INPP4B: variants seen among roughly 807,000 people sequenced by gnomAD.
The protein encoded by INPP4B is inositol polyphosphate-4-phosphatase type II B.
Under a neutral mutation model 122.5 loss-of-function variants are expected in INPP4B, and 55 were observed. The observed-to-expected ratio is 0.45, with a 90% CI of 0.36 to 0.56. The LOEUF (loss-of-function observed/expected upper bound fraction) is 0.56. INPP4B is among the 20% of genes least tolerant of loss of function. The pLI, the probability that INPP4B is intolerant of heterozygous loss-of-function variation, is 0.00. For synonymous variants in INPP4B, 403 were observed against 388.7 expected (o/e 1.04, Z -0.43); for missense variants, 1,000 against 1,097.7 (o/e 0.91, Z 1.26).
At chr4:142,527,947 GAATAA>G (rs1827140490) in intron 2 of INPP4B, among the ~76,000 whole-genome samples, 1 of 151,768 alleles carries the variant, frequency 6.6e-6, no homozygotes, top group African/African-American at 2.4e-5. Flanking sequence ...AATTGCCTTA[GAATAA>G]ATCAAGGCAA....
intron 2 of INPP4B, among the ~76,000 whole-genome samples, chr4:142,642,532 C>A (rs1750744692): frequency 6.6e-6 from 1 of 152,152 alleles, no homozygotes; most frequent in Non-Finnish European, 1.5e-5. Context: ...GGAATCCTTT[C>A]CCCATTGCTT....
intron 11 of INPP4B, among the ~76,000 whole-genome samples, chr4:142,252,211 C>T (rs1405374763): frequency 3.1e-5 from 4 of 130,074 alleles, no homozygotes; most frequent in African/African-American, 5.8e-5. Context: ...TTTTTTGAGA[C>T]GGAGTCTCGC....
chr4:142,456,609 A>G (rs1191523831), intron 3 of INPP4B, among the ~76,000 whole-genome samples: 1 of 152,090 alleles, frequency 6.6e-6, no homozygotes, highest in Non-Finnish European at 1.5e-5. Flanking sequence ...TATAAAATAT[A>G]AAGAACATAA....
chr4:142,076,460 T>C (rs555696012), intron 25 of INPP4B, among the ~76,000 whole-genome samples: 1 of 152,080 alleles, frequency 6.6e-6, no homozygotes, highest in Non-Finnish European at 1.5e-5. Flanking sequence ...TCAATTTTCA[T>C]GTTTTTATTA....
chr4:142,809,871 C>G (rs550039535), intron 1 of INPP4B, among the ~76,000 whole-genome samples: 1 of 151,976 alleles, frequency 6.6e-6, no homozygotes, highest in South Asian at 2.1e-4. Flanking sequence ...TGGCCTTGGT[C>G]TTAAGAATTT....
At chr4:142,260,848 T>C (rs1407723984) in intron 10 of INPP4B, among the ~76,000 whole-genome samples, 1 of 152,196 alleles carries the variant, frequency 6.6e-6, no homozygotes, top group Non-Finnish European at 1.5e-5. Context: ...TAGAGATATG[T>C]TCCTAGCACA....
rs552230228 is a variant in INPP4B, at chr4:142,318,442, C to T, written c.373-3680G>A. 4.6e-3 allele frequency among the ~76,000 whole-genome samples: 695 copies of T among 152,194 alleles called. 17 individuals carry two copies. Among genetic ancestry groups the T allele is most frequent in the Admixed American group, 0.041 (624 of 15,280 alleles). On this transcript the variant is annotated intron_variant, in intron 7 of 25. Coordinates refer to ENST00000262992, the MANE Select transcript of INPP4B (RefSeq NM_001101669.3). ...TAGCATTTGGAATATTCTGGTTCACCGACAATGTCATGCCTCCTGAGAATT... is the reference window on the plus strand; with the variant it reads ...TAGCATTTGGAATATTCTGGTTCACTGACAATGTCATGCCTCCTGAGAATT...
At chr4:142,649,567 T>C (rs753309362) in intron 2 of INPP4B, among the ~76,000 whole-genome samples, 27 of 152,164 alleles carry the variant, frequency 1.8e-4, no homozygotes, top group Admixed American at 9.2e-4. Context: ...TCGTGATGCA[T>C]ACATAAGCTT....
At position 142,508,937 on chromosome 4, in the gene INPP4B, G is replaced by A. The variant is rs138540713; in HGVS notation, c.-190-46211C>T. Among the ~76,000 whole-genome samples the A allele has an allele frequency of 7.8e-3, 1,181 of 152,208 alleles. 5 individuals are homozygous for A. The highest frequency in any genetic ancestry group is 0.013 in the Non-Finnish European group (897 of 68,028). On this transcript the variant is annotated intron_variant, in intron 2 of 25. Transcript: ENST00000262992. ...TGTTAAAGCCATGGTTGGGAAACTC[G>A]GCTATAAATAATTAGACTCCTAAGA...
chr4:142,273,603 T>C (rs1746968355), intron 9 of INPP4B, among the ~76,000 whole-genome samples: 1 of 151,994 alleles, frequency 6.6e-6, no homozygotes, highest in Admixed American at 6.6e-5. Flanking sequence ...ATTCCCTTTC[T>C]TAAAGCATTT....
chr4:142,082,431 G>A (rs765939504), intron 24 of INPP4B, among the ~76,000 whole-genome samples: 1 of 152,148 alleles, frequency 6.6e-6, no homozygotes, highest in Non-Finnish European at 1.5e-5. Flanking sequence ...AGCCATATAA[G>A]ATGTAAACTA....
At chr4:142,804,850 A>G (rs532545284) in intron 1 of INPP4B, among the ~76,000 whole-genome samples, 2 of 152,186 alleles carry the variant, frequency 1.3e-5, no homozygotes, top group African/African-American at 4.8e-5. Context: ...TATTTTTTGT[A>G]GAGATGGGGT....
At chr4:142,611,688 G>C (rs1742573876) in intron 2 of INPP4B, among the ~76,000 whole-genome samples, 1 of 136,290 alleles carries the variant, frequency 7.3e-6, no homozygotes, top group Non-Finnish European at 1.5e-5. Context: ...GTGTCACCCA[G>C]GCTGGAGTCT....
chr4:142,311,597 C>T (rs1765535414), intron 8 of INPP4B, among the ~76,000 whole-genome samples: 1 of 152,178 alleles, frequency 6.6e-6, no homozygotes, highest in Non-Finnish European at 1.5e-5. Context: ...TGGAGTACAT[C>T]TAGCAGGAGT....
intron 1 of INPP4B, among the ~76,000 whole-genome samples, chr4:142,748,996 C>T (rs1769219020): frequency 6.6e-6 from 1 of 151,490 alleles, no homozygotes; most frequent in African/African-American, 2.4e-5. Context: ...AAAAATTATC[C>T]AGGTGTGGTG....
intron 2 of INPP4B, among the ~76,000 whole-genome samples, chr4:142,598,276 CT>C: frequency 6.6e-6 from 1 of 152,272 alleles, no homozygotes; most frequent in East Asian, 1.9e-4. Context: ...AAGCAGAGTT[CT>C]TTTACTCACA....
rs551915897 is a variant in INPP4B, at chr4:142,235,686, A to T, written c.836+2178T>A. On this transcript the variant is annotated intron_variant, in intron 12 of 25. Transcript: ENST00000262992. ...GTGATCCACCTGCCTTGGCCTCCCAAAGTGCTGGGATTACAGGCGTGAGCC... is the reference window on the plus strand; with the variant it reads ...GTGATCCACCTGCCTTGGCCTCCCATAGTGCTGGGATTACAGGCGTGAGCC... 4.9e-4 allele frequency among the ~76,000 whole-genome samples: 75 copies of T among 152,300 alleles called. 1 individual carries two copies. Among genetic ancestry groups the T allele is most frequent in the Middle Eastern group, 6.8e-3 (2 of 294 alleles).
At chr4:142,205,081 A>G (rs1449791168) in intron 14 of INPP4B, among the ~76,000 whole-genome samples, 1 of 152,134 alleles carries the variant, frequency 6.6e-6, no homozygotes, top group Non-Finnish European at 1.5e-5. Context: ...TCAGAGAATC[A>G]GAAACTAAAC....
chr4:142,728,988 A>G lies in INPP4B; in HGVS notation c.-253-3087T>C, dbSNP rs1009015542. ...ACGGTTAATTTAATTGGTAGTCCTCAAACTTTTTGGCACCAGGACAATTTT... is the reference window on the plus strand; with the variant it reads ...ACGGTTAATTTAATTGGTAGTCCTCGAACTTTTTGGCACCAGGACAATTTT... On this transcript the variant is annotated intron_variant, in intron 1 of 25. Coordinates refer to ENST00000262992, the MANE Select transcript of INPP4B (RefSeq NM_001101669.3). 2.6e-5 allele frequency among the ~76,000 whole-genome samples: 4 copies of G among 152,188 alleles called. No individual in the cohort carries two copies. The South Asian group carries it at 8.3e-4, about 32-fold the overall frequency.
Sources: allele counts gnomAD v4.1 joint callset (sites outside exome capture counted in the v4.1 genomes callset), GRCh38; gene constraint gnomAD v4.1.1; transcripts MANE v1.5; gene names NCBI Gene and HGNC (gene_info 2026-07-23, HGNC 2026-07-21).